Variants in AP3D1 observed in about 807,000 individuals in gnomAD.
The protein encoded by AP3D1 is adaptor related protein complex 3 subunit delta 1, also known as AP-3 complex subunit delta-1.
A neutral mutation model predicts 147.6 loss-of-function variants in AP3D1; 51 were observed. The observed-to-expected ratio is 0.35, with a 90% confidence interval of 0.28 to 0.44. The LOEUF (loss-of-function observed/expected upper bound fraction) is 0.44. AP3D1 is among the 20% of genes least tolerant of loss of function. The pLI, the probability that AP3D1 is intolerant of heterozygous loss-of-function variation, is 1.00. For synonymous variants in AP3D1, 760 were observed against 663.0 expected (o/e 1.15, Z -2.25); for missense variants, 1,421 against 1,624.2 (o/e 0.87, Z 2.15).
chr19:2,152,611 C>A (rs1234806543), upstream of AP3D1, among the ~76,000 whole-genome samples: 1 of 151,560 alleles, frequency 6.6e-6, no homozygotes. Context: ...GGCGCGGTGG[C>A]TCACACCTGT....
At chr19:2,148,959 G>A (rs1370667389) in intron 1 of AP3D1, among the ~76,000 whole-genome samples, 4 of 152,068 alleles carry the variant, frequency 2.6e-5, no homozygotes, top group Admixed American at 1.3e-4. Context: ...TACAACATAC[G>A]GTCTATAGGA....
intron 25 of AP3D1, 160 bp downstream of exon 25, chr19:2,111,519 T>C (rs1456693372): frequency 2.5e-6 from 3 of 1,219,648 alleles, no homozygotes; most frequent in South Asian, 3.0e-5. Flanking sequence ...GGGTGCCTAA[T>C]GTGGGGCTGC....
intron 14 of AP3D1, among the ~76,000 whole-genome samples, chr19:2,119,243 T>C (rs1344210078): frequency 2.0e-5 from 3 of 152,182 alleles, no homozygotes; most frequent in African/African-American, 7.2e-5. Flanking sequence ...ATGTTTCTAG[T>C]CCACTTTTTT....
chr19:2,130,576 C>T (rs377178521), intron 5 of AP3D1, 39 bp from the exon 6 acceptor site: 90 of 1,609,348 alleles, frequency 5.6e-5, no homozygotes, highest in Non-Finnish European at 7.4e-5. Context: ...GGGCTTTCTG[C>T]GCCTCATCCC....
Position 2,129,146 on chromosome 19 carries a change from A to C in AP3D1, c.750T>G (p.Pro250=). Residue 250 remains proline, a synonymous_variant, in exon 8 of 32, where the codon CCT becomes CCG. Coordinates refer to ENST00000643116, the MANE Select transcript of AP3D1 (RefSeq NM_001261826.3). ...KIIKLFGALT[P]LEPRLGKKLI... ...GCTTCTTGCCCAGCCGCGGTTCCAA[A>C]GGAGTAAGAGCACCGAACTGTGGGG... The C allele has an allele frequency of 6.2e-7, 1 of 1,602,238 alleles. No homozygotes were observed. Among genetic ancestry groups the C allele is most frequent in the Non-Finnish European group, 8.5e-7 (1 of 1,175,200 alleles).
intron 1 of AP3D1, among the ~76,000 whole-genome samples, chr19:2,146,245 A>G (rs573597508): frequency 6.6e-6 from 1 of 152,346 alleles, no homozygotes; most frequent in East Asian, 1.9e-4. Context: ...CACAAATTTA[A>G]GTGATAAAAC....
At position 2,112,890 on chromosome 19, in the gene AP3D1, C is replaced by G. The variant is rs538875124; in HGVS notation, c.2757G>C (p.Glu919Asp). 2.4e-5 allele frequency: 38 copies of G among 1,613,202 alleles called. 1 individual carries two copies. The South Asian group carries it at 4.0e-4, about 17-fold the overall frequency. The change falls in exon 24 of 32, where the codon GAG (glutamate) becomes GAC (aspartate). Residue 919 changes from glutamate to aspartate, a missense_variant. By Grantham distance (45) the Glu-to-Asp change is conservative. This residue lies in a region of AP3D1 where 791 missense variants were observed against 761.4 expected (regional missense o/e 1.04). Coordinates refer to ENST00000643116, the MANE Select transcript of AP3D1 (RefSeq NM_001261826.3). The part of the protein sequence containing the change: ...EDAKTEAQGE[E>D]DDAEGQDQDK... ...CCTGGTCTTGCCCCTCGGCATCGTC[C>G]TCCTCGCCCTGCGCCTCCGTCTTGG... is the stretch of plus-strand genomic sequence containing the variant.
At chr19:2,123,454 G>A (rs762703610) in intron 10 of AP3D1, 48 bp from the exon 11 acceptor site, 1 of 1,599,230 alleles carries the variant, frequency 6.3e-7, no homozygotes, top group Non-Finnish European at 8.6e-7. Context: ...TAAACCAAGG[G>A]TGAGTCCCAC....
rs748921943 is a variant in AP3D1 at position 2,151,348 on chromosome 19, G to A, written c.-14C>T. 1.5e-5 allele frequency: 24 copies of A among 1,550,314 alleles called. No homozygotes were observed. The highest frequency in any genetic ancestry group is 4.7e-5 in the South Asian group (4 of 85,150). ...CTTGAGGGCCATCGCGGCGGCCCACGGGCTTTTGCCTCGGGAGGCCCGCGG... is the reference window on the plus strand; with the variant it reads ...CTTGAGGGCCATCGCGGCGGCCCACAGGCTTTTGCCTCGGGAGGCCCGCGG... On this transcript the variant is annotated 5_prime_UTR_variant, in exon 1 of 32. Transcript: ENST00000643116.
At chr19:2,127,113 G>A (rs772880097) in intron 9 of AP3D1, 39 bp downstream of exon 9, 40 of 1,609,598 alleles carry the variant, frequency 2.5e-5, no homozygotes, top group African/African-American at 5.3e-5. Flanking sequence ...CAGCCTGGCA[G>A]TGCCAGCCCT....
chr19:2,133,071 C>T (rs1599479259), intron 4 of AP3D1, among the ~76,000 whole-genome samples: 1 of 152,314 alleles, frequency 6.6e-6, no homozygotes, highest in East Asian at 1.9e-4. Flanking sequence ...AGGCCTAAAA[C>T]CAGGGCTTCC....
intron 1 of AP3D1, among the ~76,000 whole-genome samples, chr19:2,141,660 T>G (rs1343335313): frequency 6.6e-6 from 1 of 152,044 alleles, no homozygotes; most frequent in Non-Finnish European, 1.5e-5. Context: ...CATGACGGTC[T>G]CGATCTCTTG....
intron 1 of AP3D1, 137 bp downstream of exon 1, chr19:2,151,102 G>A (rs1337277404): frequency 1.3e-6 from 1 of 781,838 alleles, no homozygotes; most frequent in Non-Finnish European, 1.9e-6. Flanking sequence ...GGCCAGGCAG[G>A]GCCGGAGCCC....
intron 9 of AP3D1, among the ~76,000 whole-genome samples, chr19:2,124,508 G>C (rs562245650): frequency 6.6e-6 from 1 of 152,346 alleles, no homozygotes; most frequent in Admixed American, 6.5e-5. Context: ...GGCACATGCA[G>C]GGACAGAGAC....
At position 2,130,460 on chromosome 19, in the gene AP3D1, C is replaced by T. The variant is rs201739550; in HGVS notation, c.540G>A (p.Ser180=). 3.0e-5 allele frequency: 48 copies of T among 1,614,064 alleles called. No individual in the cohort carries two copies. The African/African-American group carries it at 4.3e-4, about 14-fold the overall frequency. The change falls in exon 6 of 32, where the codon TCG becomes TCA. Residue 180 remains serine (S), a synonymous_variant. Transcript: ENST00000643116. ...TCAGCCGGGGAAAGGCAGGGCGCAGCGACTCGGGGTACTTCAGGAACACCT... is the reference window on the plus strand; with the variant it reads ...TCAGCCGGGGAAAGGCAGGGCGCAGTGACTCGGGGTACTTCAGGAACACCT... ...MYKVFLKYPE[S]LRPAFPRLKE...
intron 4 of AP3D1, among the ~76,000 whole-genome samples, chr19:2,134,587 A>C (rs2019031021): frequency 6.6e-6 from 1 of 151,250 alleles, no homozygotes; most frequent in African/African-American, 2.4e-5. Flanking sequence ...ATACCCTAAA[A>C]AAAAAAAAGA....
At chr19:2,120,332 G>A (rs1478584647) in intron 14 of AP3D1, among the ~76,000 whole-genome samples, 2 of 152,168 alleles carry the variant, frequency 1.3e-5, no homozygotes, top group Non-Finnish European at 2.9e-5. Context: ...GGCAGGGGCA[G>A]TGTCGATAAG....
chr19:2,119,465 G>A (rs760171288), intron 14 of AP3D1, among the ~76,000 whole-genome samples: 9 of 151,444 alleles, frequency 5.9e-5, no homozygotes, highest in Non-Finnish European at 7.4e-5. Flanking sequence ...ACGCCGAGGC[G>A]GGCGGATCAT....
At chr19:2,116,315 G>T in intron 17 of AP3D1, 37 bp from the exon 18 acceptor site, 1 of 1,600,060 alleles carries the variant, frequency 6.2e-7, no homozygotes, top group South Asian at 1.1e-5. Context: ...CGAGAGAAGC[G>T]GGCAGGATAC....
Sources: allele counts gnomAD v4.1 joint callset (sites outside exome capture counted in the v4.1 genomes callset), GRCh38; gene constraint gnomAD v4.1.1; regional missense constraint gnomAD v4.1.1; transcripts MANE v1.5; gene names NCBI Gene and HGNC (gene_info 2026-07-23, HGNC 2026-07-21).